The following ADAM12 variants were observed in gnomAD, a reference collection of about 807,000 sequenced individuals.
ADAM12 encodes ADAM metallopeptidase domain 12, also known as disintegrin and metalloproteinase domain-containing protein 12.
A neutral mutation model predicts 106.4 loss-of-function variants in ADAM12; 70 were observed. That is an observed-to-expected ratio of 0.66 (90% CI 0.54 to 0.80). The LOEUF (loss-of-function observed/expected upper bound fraction) is 0.80. Among genes scored for constraint, ADAM12 ranks in the 30% least tolerant of loss-of-function variants. The pLI is 0.00. For missense variants in ADAM12, 1,010 were observed against 1,171.9 expected (o/e 0.86, Z 2.02); for synonymous variants, 420 against 433.5 (o/e 0.97, Z 0.39).
At chr10:126,034,689 G>A (rs975048100) in intron 21 of ADAM12, among the ~76,000 whole-genome samples, 1 of 152,068 alleles carries the variant, frequency 6.6e-6, no homozygotes, top group Non-Finnish European at 1.5e-5. Context: ...TAATTCCATA[G>A]GTATGTTAAA....
chr10:126,188,255 A>G (rs372432966), intron 3 of ADAM12, among the ~76,000 whole-genome samples: 98 of 152,328 alleles, frequency 6.4e-4, no homozygotes, highest in African/African-American at 2.3e-3. Context: ...AAGCTTTTAC[A>G]ACTCAAAGCA....
At chr10:126,086,706 T>TATATATATATATATATATATATAA (rs1421464288) in intron 11 of ADAM12, among the ~76,000 whole-genome samples, 1 of 65,198 alleles carries the variant, frequency 1.5e-5, no homozygotes, top group Non-Finnish European at 2.9e-5. Flanking sequence ...TATATATATA[T>TATATATATATATATATATATATAA]AAAATAAAAT....
chr10:126,107,951 C>T (rs544969021), intron 8 of ADAM12, among the ~76,000 whole-genome samples: 60 of 152,254 alleles, frequency 3.9e-4, no homozygotes, highest in African/African-American at 1.2e-3. Flanking sequence ...TTTTCTTTGC[C>T]GGCCCGCAGT....
intron 1 of ADAM12, among the ~76,000 whole-genome samples, chr10:126,386,997 T>C (rs1453441923): frequency 6.6e-6 from 1 of 152,246 alleles, no homozygotes; most frequent in Non-Finnish European, 1.5e-5. Context: ...CACATTACAG[T>C]AGACGCGGTG....
At chr10:126,353,656 A>C (rs1358958311) in intron 1 of ADAM12, among the ~76,000 whole-genome samples, 1 of 152,250 alleles carries the variant, frequency 6.6e-6, no homozygotes, top group Non-Finnish European at 1.5e-5. Context: ...AAAATAAATA[A>C]GAGATTTATG....
At chr10:126,127,553 G>A (rs1220749592) in intron 5 of ADAM12, among the ~76,000 whole-genome samples, 1 of 152,204 alleles carries the variant, frequency 6.6e-6, no homozygotes. Flanking sequence ...AGACAGGAAG[G>A]TGAAGGCAAG....
chr10:126,221,389 C>CAAAAAAAA (rs35766891), intron 3 of ADAM12, among the ~76,000 whole-genome samples: 3 of 100,668 alleles, frequency 3.0e-5, no homozygotes, highest in East Asian at 2.7e-4. Flanking sequence ...GACTCTGTCT[C>CAAAAAAAA]AAAAAAAAAA....
chr10:126,019,803 G>A lies in ADAM12; in HGVS notation c.2552C>T (p.Pro851Leu). The A allele has an allele frequency of 6.2e-7, 1 of 1,613,894 alleles. No homozygotes were observed. Among genetic ancestry groups the A allele is most frequent in the Non-Finnish European group, 8.5e-7 (1 of 1,179,904 alleles). ...QAQGTCKPNP[P>L]QKPLPADPLA... The stretch of plus-strand genomic sequence containing the variant: ...AGGATCTGCAGGCAGAGGCTTCTGA[G>A]GGGGGTTTGGCTTACAGGTCCCCTG... Residue 851 changes from proline (P) to leucine (L), a missense_variant, in exon 22 of 23, where the codon CCT (proline) becomes CTT (leucine). This residue lies in a region of ADAM12 where 615 missense variants were observed against 708.5 expected (regional missense o/e 0.87). Coordinates refer to ENST00000448723, the MANE Select transcript of ADAM12 (RefSeq NM_001288973.2).
At chr10:126,143,591 A>G (rs111072413) in intron 4 of ADAM12, among the ~76,000 whole-genome samples, 11 of 150,880 alleles carry the variant, frequency 7.3e-5, no homozygotes, top group East Asian at 5.8e-4. Flanking sequence ...GTGTGTGTAT[A>G]TGCATGTATC....
intron 1 of ADAM12, among the ~76,000 whole-genome samples, chr10:126,353,686 C>A (rs1161946625): frequency 1.3e-5 from 2 of 152,184 alleles, no homozygotes; most frequent in Non-Finnish European, 2.9e-5. Context: ...ATACTAACCA[C>A]TATTTGTGAA....
At chr10:126,298,200 G>A (rs917095693) in intron 2 of ADAM12, among the ~76,000 whole-genome samples, 2 of 151,630 alleles carry the variant, frequency 1.3e-5, no homozygotes, top group African/African-American at 4.8e-5. Flanking sequence ...AGTGAACACC[G>A]AGAAGATAAG....
chr10:126,091,342 C>T (rs112539187), intron 11 of ADAM12, among the ~76,000 whole-genome samples: 6,493 of 152,264 alleles, frequency 0.043, 462 homozygotes, highest in African/African-American at 0.14. Context: ...AACTCCACCA[C>T]GGGTGATGGA....
chr10:126,365,865 T>C (rs1330878431), intron 1 of ADAM12, among the ~76,000 whole-genome samples: 1 of 152,154 alleles, frequency 6.6e-6, no homozygotes, highest in Non-Finnish European at 1.5e-5. Context: ...AGCACAAATT[T>C]TAAAGGTGCT....
chr10:126,121,414 A>G (rs1216207147), intron 5 of ADAM12, among the ~76,000 whole-genome samples: 7 of 129,858 alleles, frequency 5.4e-5, no homozygotes, highest in African/African-American at 1.2e-4. Flanking sequence ...TGCATATTAT[A>G]TAATATGCAA....
chr10:126,295,548 T>TAC (rs147578888), intron 2 of ADAM12, among the ~76,000 whole-genome samples: 9,926 of 146,550 alleles, frequency 0.068, 701 homozygotes, highest in African/African-American at 0.17. Context: ...CACACACACA[T>TAC]ACACACACAC....
intron 1 of ADAM12, among the ~76,000 whole-genome samples, chr10:126,347,913 G>C (rs1180998703): frequency 6.6e-6 from 1 of 152,204 alleles, no homozygotes; most frequent in Non-Finnish European, 1.5e-5. Flanking sequence ...CTCTGCTGCT[G>C]CTCAGAAATG....
At chr10:126,200,569 G>A (rs778500406) in intron 3 of ADAM12, among the ~76,000 whole-genome samples, 1 of 152,110 alleles carries the variant, frequency 6.6e-6, no homozygotes, top group East Asian at 1.9e-4. Flanking sequence ...ACAACACCAC[G>A]ATATAATGGT....
chr10:126,295,851 G>A (rs1389722477), intron 2 of ADAM12, among the ~76,000 whole-genome samples: 1 of 150,634 alleles, frequency 6.6e-6, no homozygotes, highest in East Asian at 2.0e-4. Context: ...TTCCTCTGAT[G>A]ATCAAAGCTA....
intron 3 of ADAM12, among the ~76,000 whole-genome samples, chr10:126,267,916 T>C (rs544646909): frequency 6.6e-6 from 1 of 152,316 alleles, no homozygotes; most frequent in Non-Finnish European, 1.5e-5. Context: ...TTTTGTTAGA[T>C]AATAAAAACA....
Sources: gnomAD v4.1 joint callset for allele counts (sites outside exome capture counted in the v4.1 genomes callset) on GRCh38, gnomAD v4.1.1 for gene constraint, gnomAD v4.1.1 regional missense constraint, MANE v1.5 for transcripts, NCBI Gene and HGNC (gene_info 2026-07-23, HGNC 2026-07-21) for gene names.